Variants in FGF12 observed in about 807,000 individuals in gnomAD.
The protein encoded by FGF12 is fibroblast growth factor 12B.
Under a neutral mutation model 23.6 loss-of-function variants are expected in FGF12, and 14 were observed. The ratio of observed to expected loss-of-function variants is 0.59; its 90% CI spans 0.39 to 0.93. FGF12 has a LOEUF of 0.93. Ranked by LOEUF, FGF12 falls within the 40% of genes least tolerant of loss-of-function variation. FGF12 has a pLI of 0.00. For synonymous variants in FGF12, 62 were observed against 77.3 expected (o/e 0.80, Z 1.04); for missense variants, 175 against 217.8 (o/e 0.80, Z 1.24).
intron 4 of FGF12, among the ~76,000 whole-genome samples, chr3:192,288,602 C>G (rs1025958514): frequency 1.1e-4 from 16 of 152,116 alleles, no homozygotes; most frequent in African/African-American, 3.4e-4. Context: ...CATGGCCATC[C>G]TATTTTCTTG....
chr3:192,661,351 A>G lies in FGF12; in HGVS notation c.13+65830T>C, dbSNP rs541943544. On this transcript the variant is annotated intron_variant, in intron 2 of 5. Coordinates refer to ENST00000445105, the MANE Select transcript of FGF12 (RefSeq NM_004113.6). Reference sequence around the variant, plus strand: ...AGCCTGACCAACAGGGTGAAACCCCATCTCTACTAAAAATACAAAACTTAG... The same window carrying G: ...AGCCTGACCAACAGGGTGAAACCCCGTCTCTACTAAAAATACAAAACTTAG... Among the ~76,000 whole-genome samples the G allele has an allele frequency of 2.6e-5, 4 of 152,264 alleles. No homozygotes were observed. In the East Asian group the frequency reaches 7.7e-4, roughly 29 times the overall value.
In FGF12 at chr3:192,533,090, C is replaced by T. The variant is rs1303175573; in HGVS notation, c.14-172552G>A. 2.0e-5 allele frequency among the ~76,000 whole-genome samples: 3 copies of T among 152,272 alleles called. No individual in the cohort carries two copies. In the East Asian group the frequency reaches 5.8e-4, roughly 29 times the overall value. On this transcript the variant is annotated intron_variant, in intron 2 of 5. Coordinates refer to ENST00000445105, the MANE Select transcript of FGF12 (RefSeq NM_004113.6). The stretch of plus-strand genomic sequence containing the variant: ...GAAAAAATTTAAAATAGCGTGTGCT[C>T]AGGGATTCAACCAATTTTGATAAAA...
In FGF12 at chr3:192,417,160, G is replaced by A. The variant is rs191017266; in HGVS notation, c.14-56622C>T. On this transcript the variant is annotated intron_variant, in intron 2 of 5. Transcript: ENST00000445105. ...CTCCTGGTTGGTTGAGTATGCTAAT[G>A]GCATGGCAATGGAAAAACAGCATGA... Among the ~76,000 whole-genome samples, 44 of 152,106 alleles carry A rather than the reference G, an allele frequency of 2.9e-4. No homozygotes were observed. In the East Asian group the frequency reaches 4.5e-3, roughly 15 times the overall value.
chr3:192,555,630 CA>C (rs11289130), intron 2 of FGF12, among the ~76,000 whole-genome samples: 61,135 of 84,008 alleles, frequency 0.73, 21,372 homozygotes, highest in East Asian at 0.88. Flanking sequence ...TAAAAAGTAC[CA>C]AAAAAAAAAA....
chr3:192,347,450 G>T (rs2108717469), intron 3 of FGF12, among the ~76,000 whole-genome samples: 1 of 152,278 alleles, frequency 6.6e-6, no homozygotes, highest in South Asian at 2.1e-4. Context: ...CAGACTTCCT[G>T]ATTCAAAAAC....
chr3:192,727,166 G>C lies in FGF12; in HGVS notation c.13+15C>G. ...ACATGCAGCGGGAAGTCCCCCGATA[G>C]GGACAACCACATACCTTTGCTCTCC... On this transcript the variant is annotated intron_variant, in intron 2 of 5. Coordinates refer to ENST00000445105, the MANE Select transcript of FGF12 (RefSeq NM_004113.6). 6.3e-7 allele frequency: 1 copy of C among 1,576,104 alleles called. No homozygotes were observed. The highest frequency in any genetic ancestry group is 8.6e-7 in the Non-Finnish European group (1 of 1,160,760).
chr3:192,577,447 C>T (rs1712958156), intron 2 of FGF12, among the ~76,000 whole-genome samples: 1 of 152,126 alleles, frequency 6.6e-6, no homozygotes, highest in African/African-American at 2.4e-5. Context: ...AAAACACTCA[C>T]AAAGGGTATA....
chr3:192,280,918 C>T (rs1979695), intron 4 of FGF12, among the ~76,000 whole-genome samples: 66,697 of 151,868 alleles, frequency 0.44, 15,583 homozygotes, highest in East Asian at 0.94. Flanking sequence ...TTTTTTGAAG[C>T]CTTATTTATT....
intron 2 of FGF12, among the ~76,000 whole-genome samples, chr3:192,431,117 C>A (rs1315803894): frequency 6.6e-6 from 1 of 152,018 alleles, no homozygotes; most frequent in Non-Finnish European, 1.5e-5. Context: ...TTGAGAACTC[C>A]AACATAAATG....
chr3:192,341,704 C>T (rs564101969), intron 3 of FGF12, among the ~76,000 whole-genome samples: 23 of 152,180 alleles, frequency 1.5e-4, no homozygotes, highest in African/African-American at 5.5e-4. Flanking sequence ...AAAAGAAAAA[C>T]TAAATAGATA....
intron 5 of FGF12, among the ~76,000 whole-genome samples, chr3:192,158,335 T>TTTCTTTCTTTC: frequency 1.9e-5 from 1 of 52,428 alleles, no homozygotes; most frequent in Non-Finnish European, 4.9e-5. Context: ...TTTCTTTCTC[T>TTTCTTTCTTTC]TTCTTTCTTT....
intron 4 of FGF12, among the ~76,000 whole-genome samples, chr3:192,229,371 T>C (rs1718904893): frequency 6.6e-6 from 1 of 152,076 alleles, no homozygotes; most frequent in Non-Finnish European, 1.5e-5. Flanking sequence ...ATCCTTCACA[T>C]TTGTTCCTTT....
intron 2 of FGF12, among the ~76,000 whole-genome samples, chr3:192,545,716 G>T (rs1725478651): frequency 6.6e-6 from 1 of 152,096 alleles, no homozygotes; most frequent in Non-Finnish European, 1.5e-5. Flanking sequence ...GGTAGATGCT[G>T]GTACTTTAAG....
intron 4 of FGF12, among the ~76,000 whole-genome samples, chr3:192,307,460 A>C (rs941417172): frequency 2.6e-5 from 4 of 152,240 alleles, no homozygotes; most frequent in Non-Finnish European, 5.9e-5. Context: ...GCCGACCTCT[A>C]TGATCACTTT....
intron 3 of FGF12, among the ~76,000 whole-genome samples, chr3:192,341,658 A>C (rs1007470546): frequency 3.3e-5 from 5 of 152,178 alleles, no homozygotes; most frequent in African/African-American, 1.2e-4. Flanking sequence ...TTGAAATTTA[A>C]GTGGAAGGAG....
chr3:192,392,759 T>C (rs2108763233), intron 2 of FGF12, among the ~76,000 whole-genome samples: 1 of 152,322 alleles, frequency 6.6e-6, no homozygotes. Flanking sequence ...TTTTTTTCTC[T>C]ATTGACCCAT....
chr3:192,596,661 T>TA (rs1378410642), intron 2 of FGF12, among the ~76,000 whole-genome samples: 1 of 152,160 alleles, frequency 6.6e-6, no homozygotes, highest in Non-Finnish European at 1.5e-5. Flanking sequence ...AAAACTAGAT[T>TA]AAAAATGCCA....
chr3:192,716,005 G>C (rs1012615515), intron 2 of FGF12, among the ~76,000 whole-genome samples: 2 of 152,180 alleles, frequency 1.3e-5, no homozygotes, highest in African/African-American at 4.8e-5. Flanking sequence ...CCCTTATTCT[G>C]ATATTTCTGA....
intron 2 of FGF12, among the ~76,000 whole-genome samples, chr3:192,628,073 A>G (rs1347641864): frequency 6.6e-6 from 1 of 152,136 alleles, no homozygotes; most frequent in Non-Finnish European, 1.5e-5. Flanking sequence ...TTGTCATTTA[A>G]AAAACATTAC....
Sources: allele counts gnomAD v4.1 joint callset (sites outside exome capture counted in the v4.1 genomes callset), GRCh38; gene constraint gnomAD v4.1.1; transcripts MANE v1.5; gene names NCBI Gene and HGNC (gene_info 2026-07-23, HGNC 2026-07-21).